Variants in TRAPPC11 observed in about 807,000 individuals in gnomAD.
TRAPPC11 encodes the protein foie gras homolog.
A neutral mutation model predicts 151.2 loss-of-function variants in TRAPPC11; 104 were observed. The observed-to-expected ratio is 0.69, with a 90% CI of 0.59 to 0.81. The LOEUF (loss-of-function observed/expected upper bound fraction) is 0.81. TRAPPC11 is among the 30% of genes least tolerant of loss of function. The pLI is 0.00. For missense variants in TRAPPC11, 1,230 were observed against 1,349.6 expected (o/e 0.91, Z 1.39); for synonymous variants, 456 against 472.3 (o/e 0.97, Z 0.45).
rs749812081 is a variant in TRAPPC11, at chr4:183,694,058, A to T, written c.2508+20A>T. On this transcript the variant is annotated intron_variant, in intron 22 of 29. Transcript: ENST00000334690. The stretch of plus-strand genomic sequence containing the variant: ...GAACAGGTAAACTTGGTCAACTGGG[A>T]TTGAAGAGGAAATCAATTAGTTTGT... 14 of 1,609,720 alleles carry T rather than the reference A, an allele frequency of 8.7e-6. 1 individual carries two copies. In the South Asian group the frequency reaches 1.3e-4, roughly 15 times the overall value.
intron 5 of TRAPPC11, among the ~76,000 whole-genome samples, chr4:183,668,411 A>G (rs1734989451): frequency 6.6e-6 from 1 of 152,238 alleles, no homozygotes; most frequent in African/African-American, 2.4e-5. Flanking sequence ...AAACACAAAA[A>G]CATAAATGTG....
At chr4:183,707,240 G>T (rs2111102770) in intron 28 of TRAPPC11, among the ~76,000 whole-genome samples, 1 of 129,586 alleles carries the variant, frequency 7.7e-6, no homozygotes, top group Non-Finnish European at 1.6e-5. Context: ...TATTACTGAT[G>T]AGTGTGTGTG....
At chr4:183,700,632 A>C (rs527361458) in intron 25 of TRAPPC11, among the ~76,000 whole-genome samples, 5 of 152,290 alleles carry the variant, frequency 3.3e-5, no homozygotes, top group Admixed American at 2.6e-4. Flanking sequence ...TCTTGCACAG[A>C]GGTGAATGGC....
At chr4:183,677,311 C>A in intron 7 of TRAPPC11, 147 bp from the exon 8 acceptor site, 1 of 632,120 alleles carries the variant, frequency 1.6e-6, no homozygotes, top group Non-Finnish European at 2.8e-6. Context: ...TAACTAATGG[C>A]TCATTTATCA....
intron 1 of TRAPPC11, among the ~76,000 whole-genome samples, chr4:183,659,874 C>G (rs1039697387): frequency 2.0e-5 from 3 of 152,100 alleles, no homozygotes; most frequent in Non-Finnish European, 4.4e-5. Context: ...TCCTAACACC[C>G]TGAACTTCCA....
intron 19 of TRAPPC11, among the ~76,000 whole-genome samples, chr4:183,692,639 A>G (rs1736310396): frequency 6.6e-6 from 1 of 152,184 alleles, no homozygotes; most frequent in Admixed American, 6.5e-5. Context: ...TATTTCATTC[A>G]GCAACCACTA....
intron 18 of TRAPPC11, among the ~76,000 whole-genome samples, chr4:183,686,979 G>A (rs1736008806): frequency 6.6e-6 from 1 of 152,130 alleles, no homozygotes; most frequent in African/African-American, 2.4e-5. Context: ...AAGAGATCGA[G>A]ACCAGCCTGG....
At chr4:183,667,494 T>G (rs1158253584) in intron 4 of TRAPPC11, among the ~76,000 whole-genome samples, 2 of 152,192 alleles carry the variant, frequency 1.3e-5, no homozygotes, top group Non-Finnish European at 2.9e-5. Flanking sequence ...AAGATCTATT[T>G]GAAGCTGTAT....
intron 17 of TRAPPC11, among the ~76,000 whole-genome samples, chr4:183,685,865 A>G (rs1433126005): frequency 6.6e-6 from 1 of 151,972 alleles, no homozygotes; most frequent in African/African-American, 2.4e-5. Flanking sequence ...ACAGGGTCTC[A>G]CTCTGCCACC....
At chr4:183,691,187 C>A in intron 18 of TRAPPC11, 129 bp from the exon 19 acceptor site, 1 of 663,302 alleles carries the variant, frequency 1.5e-6, no homozygotes, top group Non-Finnish European at 2.3e-6. Context: ...ATAAAAAATA[C>A]TTCCTTTTAT....
In TRAPPC11 at chr4:183,684,029, T is replaced by C; in HGVS notation, c.1262T>C (p.Leu421Pro). Residue 421 changes from leucine to proline, a missense_variant, in exon 12 of 30, where the codon CTG (leucine) becomes CCG (proline). Coordinates refer to ENST00000334690, the MANE Select transcript of TRAPPC11 (RefSeq NM_021942.6). Reference protein sequence around the residue: ...KEKVGILAIQLKERNVVHSEI... With the variant: ...KEKVGILAIQPKERNVVHSEI... Reference sequence around the variant, plus strand: ...AAGGTGGGAATTCTTGCCATTCAGCTGAAGGAGAGAAATGTTGTTCACTCT... The same window carrying C: ...AAGGTGGGAATTCTTGCCATTCAGCCGAAGGAGAGAAATGTTGTTCACTCT... 6.2e-7 allele frequency: 1 copy of C among 1,614,114 alleles called. No individual in the cohort carries two copies.
chr4:183,662,392 C>T (rs1314388274), intron 1 of TRAPPC11, among the ~76,000 whole-genome samples: 1 of 148,956 alleles, frequency 6.7e-6, no homozygotes, highest in Non-Finnish European at 1.5e-5. Context: ...GTTGTTACAT[C>T]CTTTTGCAAG....
In TRAPPC11 at chr4:183,680,837, C is replaced by T. The variant is rs182479410; in HGVS notation, c.1113+570C>T. On this transcript the variant is annotated intron_variant, in intron 10 of 29. Transcript: ENST00000334690. ...TCTCCTGAGTAGCTGGGATTACAGG[C>T]GCCCGCCACCACGCCTGGCTAATTT... 1.6e-3 allele frequency among the ~76,000 whole-genome samples: 247 copies of T among 151,994 alleles called. 2 individuals carry two copies. Among genetic ancestry groups the T allele is most frequent in the African/African-American group, 4.3e-3 (178 of 41,468 alleles).
chr4:183,681,607 C>T (rs558847126), intron 10 of TRAPPC11, among the ~76,000 whole-genome samples: 13 of 151,922 alleles, frequency 8.6e-5, no homozygotes, highest in East Asian at 1.9e-4. Context: ...GATGAAACCC[C>T]GTCTCTACTA....
intron 3 of TRAPPC11, 87 bp downstream of exon 3, chr4:183,666,513 C>T: frequency 1.5e-6 from 2 of 1,349,112 alleles, no homozygotes; most frequent in Non-Finnish European, 2.0e-6. Context: ...GAGTACCGTT[C>T]AGACTGCAGT....
rs539456072 is a variant in TRAPPC11 at position 183,705,275 on chromosome 4, A to G, written c.3055+205A>G. ...GGAACAAATCCCTAGATACAAAGCC[A>G]TAAATACTTTCATATGCCTGTTTTA... On this transcript the variant is annotated intron_variant, in intron 27 of 29. Coordinates refer to ENST00000334690, the MANE Select transcript of TRAPPC11 (RefSeq NM_021942.6). Among the ~76,000 whole-genome samples the G allele has an allele frequency of 2.0e-5, 3 of 152,348 alleles. No individual in the cohort carries two copies. In the South Asian group the frequency reaches 6.2e-4, roughly 32 times the overall value.
At chr4:183,694,550 T>C in intron 22 of TRAPPC11, 54 bp from the exon 23 acceptor site, 2 of 1,532,928 alleles carry the variant, frequency 1.3e-6, no homozygotes, top group Non-Finnish European at 1.8e-6. Flanking sequence ...AGAATATATA[T>C]CAAGAAGAAA....
In TRAPPC11 at chr4:183,666,136, T is replaced by G. The variant is rs145691957; in HGVS notation, c.205-121T>G. 473 of 816,458 alleles carry G rather than the reference T, an allele frequency of 5.8e-4. 2 individuals carry two copies. The African/African-American group carries it at 7.1e-3, about 12-fold the overall frequency. The allele number at this position is 816,458 out of a possible 1,614,324, so 50.6% of individuals were successfully genotyped here. A position where few individuals can be genotyped will look rare whatever the true frequency, so the allele number is the denominator to read the frequency against. ...ACTGAATCTGTAAGCCTGAGTTTCC[T>G]AATCAAAAATGGGAGGTGTGTATAT... On this transcript the variant is annotated intron_variant, in intron 2 of 29. Transcript: ENST00000334690.
At position 183,663,891 on chromosome 4, in the gene TRAPPC11, C is replaced by T; in HGVS notation, c.24C>T (p.Phe8=). MSPTQWD[F]PVELCCRPMA... The stretch of plus-strand genomic sequence containing the variant: ...ACATGAGCCCCACACAGTGGGACTT[C>T]CCTGTGGAATTATGTTGCCGGCCTA... Residue 8 remains phenylalanine (F), a synonymous_variant, in exon 2 of 30, where the codon TTC becomes TTT. Transcript: ENST00000334690. 2 of 1,614,058 alleles carry T rather than the reference C, an allele frequency of 1.2e-6. No individual in the cohort carries two copies. Among genetic ancestry groups the T allele is most frequent in the Non-Finnish European group, 8.5e-7 (1 of 1,180,014 alleles).
Sources: allele counts gnomAD v4.1 joint callset (sites outside exome capture counted in the v4.1 genomes callset), GRCh38; gene constraint gnomAD v4.1.1; transcripts MANE v1.5; gene names NCBI Gene and HGNC (gene_info 2026-07-23, HGNC 2026-07-21).